The following SRPRB variants were observed in gnomAD, a reference collection of about 807,000 sequenced individuals.
SRPRB encodes the protein SRP receptor subunit beta.
A neutral mutation model predicts 31.9 loss-of-function variants in SRPRB; 20 were observed. The ratio of observed to expected loss-of-function variants is 0.63; its 90% CI spans 0.44 to 0.91. The LOEUF (loss-of-function observed/expected upper bound fraction) is 0.91. SRPRB is among the 40% of genes least tolerant of loss of function. The pLI, the probability that SRPRB is intolerant of heterozygous loss-of-function variation, is 0.00. For missense variants in SRPRB, 321 were observed against 324.9 expected (o/e 0.99, Z 0.09); for synonymous variants, 146 against 132.8 (o/e 1.10, Z -0.68).
At chr3:133,805,419 C>A (rs1423962163), upstream of SRPRB, among the ~76,000 whole-genome samples, 1 of 152,192 alleles carries the variant, frequency 6.6e-6, no homozygotes, top group Non-Finnish European at 1.5e-5. Flanking sequence ...CACATCGCTC[C>A]GTACATCCAT....
intron 1 of SRPRB, chr3:133,786,446 A>G (rs949416928): frequency 6.6e-6 from 1 of 152,144 alleles, no homozygotes; most frequent in African/African-American, 2.4e-5. Context: ...GAGGAAAGGA[A>G]GTGTAAGAGC....
At position 133,819,619 on chromosome 3, in the gene SRPRB, T is replaced by C. The variant is rs1935432198; in HGVS notation, c.669T>C (p.Ala223=). ...TGGACAGTTCCAGCACTGCCCCTGCTCAGCTGGGGAAGAAAGGCAAAGAGT... is the reference window on the plus strand; with the variant it reads ...TGGACAGTTCCAGCACTGCCCCTGCCCAGCTGGGGAAGAAAGGCAAAGAGT... ...STLDSSSTAP[A]QLGKKGKEFE... The change falls in exon 7 of 7, where the codon GCT becomes GCC. Residue 223 remains alanine, a synonymous_variant. Transcript: ENST00000678299. 2 of 1,614,208 alleles carry C rather than the reference T, an allele frequency of 1.2e-6. No individual in the cohort carries two copies. Among genetic ancestry groups the C allele is most frequent in the East Asian group, 2.2e-5 (1 of 44,886 alleles).
intron 4 of SRPRB, 119 bp from the exon 5 acceptor site, chr3:133,815,471 G>A (rs1317836658): frequency 6.8e-6 from 8 of 1,175,360 alleles, no homozygotes; most frequent in Non-Finnish European, 1.2e-6. Context: ...AGACCTGCAT[G>A]TGTGTCTGCT....
Position 133,819,560 on chromosome 3 carries a change from T to C in SRPRB, c.610T>C (p.Leu204=), listed in dbSNP as rs2107977141. Residue 204 remains leucine (L), a synonymous_variant, in exon 7 of 7, where the codon TTA becomes CTA. Coordinates refer to ENST00000678299, the MANE Select transcript of SRPRB (RefSeq NM_001379313.1). ...QQQLEKELNT[L]RVTRSAAPST... is the part of the protein sequence containing the mutation. ...TTTCCTTTTGCCCCACAGCAACACC[T>C]TACGAGTTACCCGTTCTGCTGCCCC... The C allele has an allele frequency of 6.2e-7, 1 of 1,613,584 alleles. No individual in the cohort carries two copies. Among genetic ancestry groups the C allele is most frequent in the Non-Finnish European group, 8.5e-7 (1 of 1,179,532 alleles).
At chr3:133,815,196 TCTAG>T (rs1935344728) in intron 4 of SRPRB, among the ~76,000 whole-genome samples, 1 of 152,214 alleles carries the variant, frequency 6.6e-6, no homozygotes, top group Admixed American at 6.5e-5. Flanking sequence ...CAATTTTTGG[TCTAG>T]CTAAGATTCA....
downstream of SRPRB, chr3:133,827,538 T>C (rs1297305415): frequency 2.2e-5 from 5 of 230,036 alleles, no homozygotes; most frequent in South Asian, 4.3e-4. Context: ...GCAAGCAGCC[T>C]TCTGGAGACC....
In SRPRB at chr3:133,815,445, A is replaced by G. The variant is rs113405105; in HGVS notation, c.411-145A>G. ...CTTGTTAAATGAGGATTTATGTTATATGATAACATATGCACAGACCTGCAT... is the reference window on the plus strand; with the variant it reads ...CTTGTTAAATGAGGATTTATGTTATGTGATAACATATGCACAGACCTGCAT... On this transcript the variant is annotated intron_variant, in intron 4 of 6. Transcript: ENST00000678299. The G allele has an allele frequency of 3.6e-3, 3,129 of 871,696 alleles. 62 individuals carry two copies. The African/African-American group carries it at 0.045, about 13-fold the overall frequency. The allele number at this position is 871,696 out of a possible 1,614,324, so 54.0% of individuals were successfully genotyped here. A position where few individuals can be genotyped will look rare whatever the true frequency, so the allele number is the denominator to read the frequency against.
At position 133,819,922 on chromosome 3, in the gene SRPRB, T is replaced by A; in HGVS notation, c.*156T>A. The stretch of plus-strand genomic sequence containing the variant: ...TACTGTTGAAACCAGCTTGGAATTT[T>A]TTTTTTTTTTTTTTTTAAGTTCAGT... On this transcript the variant is annotated 3_prime_UTR_variant, in exon 7 of 7. Coordinates refer to ENST00000678299, the MANE Select transcript of SRPRB (RefSeq NM_001379313.1). The A allele has an allele frequency of 1.7e-6, 1 of 605,676 alleles. No homozygotes were observed. Among genetic ancestry groups the A allele is most frequent in the Non-Finnish European group, 2.7e-6 (1 of 365,254 alleles). The allele number at this position is 605,676 out of a possible 1,614,324, so 37.5% of individuals were successfully genotyped here. A position where few individuals can be genotyped will look rare whatever the true frequency, so the allele number is the denominator to read the frequency against.
downstream of SRPRB, chr3:133,825,142 C>T (rs1247412651): frequency 6.6e-6 from 1 of 152,212 alleles, no homozygotes; most frequent in Non-Finnish European, 1.5e-5. Flanking sequence ...CTCAGACATG[C>T]CTCACTGTCC....
intron 1 of SRPRB, chr3:133,792,139 T>C (rs938064889): frequency 6.6e-6 from 1 of 152,212 alleles, no homozygotes; most frequent in African/African-American, 2.4e-5. Context: ...CATTAGATTC[T>C]AGATAAGGCC....
chr3:133,814,324 G>A (rs1438663966), intron 4 of SRPRB, among the ~76,000 whole-genome samples: 5 of 152,100 alleles, frequency 3.3e-5, no homozygotes, highest in African/African-American at 9.7e-5. Flanking sequence ...GGAGAGACAG[G>A]GTTTCGCCGT....
chr3:133,802,512 T>C (rs1935077372), upstream of SRPRB, among the ~76,000 whole-genome samples: 1 of 152,206 alleles, frequency 6.6e-6, no homozygotes, highest in Non-Finnish European at 1.5e-5. Context: ...ACCATAGTCT[T>C]GCTTCCATCC....
chr3:133,791,883 T>C (rs1014289275), intron 1 of SRPRB: 3 of 152,176 alleles, frequency 2.0e-5, no homozygotes, highest in Non-Finnish European at 4.4e-5. Flanking sequence ...AGCTTAATAA[T>C]AATAAGAGCT....
chr3:133,790,892 G>A (rs1934814076), intron 1 of SRPRB: 1 of 152,110 alleles, frequency 6.6e-6, no homozygotes, highest in Non-Finnish European at 1.5e-5. Context: ...TTCATTATGT[G>A]GGTTTTGGGG....
At chr3:133,789,154 C>G (rs1325721804) in intron 1 of SRPRB, 2 of 152,268 alleles carry the variant, frequency 1.3e-5, no homozygotes, top group African/African-American at 4.8e-5. Flanking sequence ...AGGGGATGCC[C>G]TTGGCAGCAG....
chr3:133,807,564 G>T (rs757499107), intron 2 of SRPRB, among the ~76,000 whole-genome samples, 182 bp from the exon 3 acceptor site: 15 of 152,132 alleles, frequency 9.9e-5, no homozygotes, highest in Admixed American at 7.2e-4. Context: ...TTCCACTGAG[G>T]AGTAAAATAT....
intron 1 of SRPRB, among the ~76,000 whole-genome samples, chr3:133,796,878 T>C (rs963554423): frequency 3.3e-5 from 5 of 152,194 alleles, no homozygotes; most frequent in African/African-American, 9.7e-5. Context: ...CTTTTGGAAA[T>C]TGATCAAACC....
At position 133,819,671 on chromosome 3, in the gene SRPRB, G is replaced by T. The variant is rs187988120; in HGVS notation, c.721G>T (p.Val241Leu). 1,454 of 1,614,180 alleles carry T rather than the reference G, an allele frequency of 9.0e-4. 12 individuals carry two copies. Among genetic ancestry groups the T allele is most frequent in the Non-Finnish European group, 5.9e-5 (70 of 1,180,042 alleles). ...TGAATTCTCACAGTTGCCCCTCAAAGTGGAGTTCCTGGAGTGCAGTGCCAA... is the reference window on the plus strand; with the variant it reads ...TGAATTCTCACAGTTGCCCCTCAAATTGGAGTTCCTGGAGTGCAGTGCCAA... The part of the protein sequence containing the change: ...EFEFSQLPLK[V>L]EFLECSAKGG... Residue 241 changes from valine (V) to leucine (L), a missense_variant, in exon 7 of 7, where the codon GTG becomes TTG. Transcript: ENST00000678299.
chr3:133,814,691 G>A (rs769842495), intron 4 of SRPRB, among the ~76,000 whole-genome samples: 2 of 151,780 alleles, frequency 1.3e-5, no homozygotes, highest in Non-Finnish European at 2.9e-5. Flanking sequence ...TGCCTGTCTC[G>A]GCCCCCCAAA....
Sources: allele counts gnomAD v4.1 joint callset (sites outside exome capture counted in the v4.1 genomes callset), GRCh38; gene constraint gnomAD v4.1.1; transcripts MANE v1.5; gene names NCBI Gene and HGNC (gene_info 2026-07-23, HGNC 2026-07-21).